MRE11: variants seen among roughly 807,000 people sequenced by gnomAD.
MRE11 encodes the protein double-strand break repair protein MRE11.
Under a neutral mutation model 91.7 loss-of-function variants are expected in MRE11, and 62 were observed. That is an observed-to-expected ratio of 0.68 (90% CI 0.55 to 0.84). MRE11 has a LOEUF of 0.84. MRE11 is among the 40% of genes least tolerant of loss of function. The probability of loss-of-function intolerance (pLI) is 0.00; values close to 1 mark genes in which losing one functional copy is unlikely to be tolerated. For missense variants in MRE11, 796 were observed against 852.9 expected, an observed-to-expected ratio of 0.93 and a Z score of 0.83; for synonymous variants, 273 against 271.4, an observed-to-expected ratio of 1.01 and a Z score of -0.06.
In MRE11 at chr11:94,493,815, A is replaced by C. The variant is rs1947361855; in HGVS notation, c.-130T>G. ...CCTCTGAGAACCCGCAGGGCCGTAAACCTGAATTCCGCGGGAGAGAACGGC... is the reference window on the plus strand; with the variant it reads ...CCTCTGAGAACCCGCAGGGCCGTAACCCTGAATTCCGCGGGAGAGAACGGC... On this transcript the variant is annotated 5_prime_UTR_variant, in exon 1 of 20. Coordinates refer to ENST00000323929, the MANE Select transcript of MRE11 (RefSeq NM_005591.4). The C allele has an allele frequency of 6.6e-6, 1 of 152,226 alleles. No homozygotes were observed. The highest frequency in any genetic ancestry group is 1.5e-5 in the Non-Finnish European group (1 of 68,070). The allele number at this position is 152,226 out of a possible 1,614,324, so 9.4% of individuals were successfully genotyped here.
In MRE11 at chr11:94,447,284, C is replaced by A. The variant is rs587781461; in HGVS notation, c.1718G>T (p.Gly573Val). The A allele has an allele frequency of 6.2e-7, 1 of 1,614,066 alleles. No individual in the cohort carries two copies. The highest frequency in any genetic ancestry group is 1.3e-5 in the African/African-American group (1 of 75,024). Residue 573 changes from glycine to valine, a missense_variant, in exon 15 of 20, where the codon GGA becomes GTA. Coordinates refer to ENST00000323929, the MANE Select transcript of MRE11 (RefSeq NM_005591.4). ...SAATNKGRGR[G>V]RGRRGGRGQN... Reference sequence around the variant, plus strand: ...CCCTCTTCCACCTCTTCGACCTCTTCCTCGGCCTCTTCCTTTGTTGGTTGC... The same window carrying A: ...CCCTCTTCCACCTCTTCGACCTCTTACTCGGCCTCTTCCTTTGTTGGTTGC...
At chr11:94,502,223 C>T in the MRE11 span, among the ~76,000 whole-genome samples, 1 of 152,202 alleles carries the variant, frequency 6.6e-6, no homozygotes, top group African/African-American at 2.4e-5. Flanking sequence ...GCCATGTGCG[C>T]ATGATGGAGG....
At chr11:94,502,831 GC>G in the MRE11 span, among the ~76,000 whole-genome samples, 1 of 152,006 alleles carries the variant, frequency 6.6e-6, no homozygotes, top group East Asian at 1.9e-4. Flanking sequence ...GCGCTACCAT[GC>G]CCAGCTAATT....
chr11:94,459,634 A>G (rs1226207331), intron 12 of MRE11, 53 bp from the exon 13 acceptor site: 46 of 1,567,198 alleles, frequency 2.9e-5, no homozygotes, highest in Non-Finnish European at 3.6e-5. Flanking sequence ...CTTACAAAAT[A>G]ATTATAGATG....
chr11:94,496,853 G>A (rs757224442), upstream of MRE11: 12 of 1,613,574 alleles, frequency 7.4e-6, no homozygotes, highest in Admixed American at 3.3e-5. Context: ...TGAAGATGAG[G>A]AGCAAGATGA....
intron 3 of MRE11, among the ~76,000 whole-genome samples, chr11:94,490,310 C>G (rs958849535): frequency 1.3e-5 from 2 of 152,180 alleles, no homozygotes; most frequent in Non-Finnish European, 2.9e-5. Context: ...GATGTACATT[C>G]TCTATGCTCC....
At chr11:94,444,144 G>C (rs1197732110) in intron 16 of MRE11, among the ~76,000 whole-genome samples, 1 of 151,868 alleles carries the variant, frequency 6.6e-6, no homozygotes, top group East Asian at 1.9e-4. Flanking sequence ...CCTGAGCTCA[G>C]GCAATCCGCC....
At chr11:94,484,986 T>C (rs1198962436) in intron 4 of MRE11, among the ~76,000 whole-genome samples, 1 of 152,134 alleles carries the variant, frequency 6.6e-6, no homozygotes, top group Non-Finnish European at 1.5e-5. Context: ...CCAAGGCAGG[T>C]GGATTACCTG....
At chr11:94,463,716 G>A (rs1306596565) in intron 11 of MRE11, among the ~76,000 whole-genome samples, 1 of 150,760 alleles carries the variant, frequency 6.6e-6, no homozygotes, top group African/African-American at 2.4e-5. Flanking sequence ...TCACTCATAG[G>A]TGGGAATTGA....
chr11:94,425,603 T>C (rs1341870281), intron 19 of MRE11, among the ~76,000 whole-genome samples: 1 of 152,126 alleles, frequency 6.6e-6, no homozygotes, highest in Non-Finnish European at 1.5e-5. Flanking sequence ...AAGAGACCCA[T>C]TTCACATGTA....
At chr11:94,466,772 G>A (rs1039628106) in intron 10 of MRE11, among the ~76,000 whole-genome samples, 1 of 152,040 alleles carries the variant, frequency 6.6e-6, no homozygotes, top group African/African-American at 2.4e-5. Flanking sequence ...TCTGATGCAG[G>A]GTCTGAGGCT....
chr11:94,460,278 T>C (rs1391050095), intron 12 of MRE11, among the ~76,000 whole-genome samples: 3 of 152,190 alleles, frequency 2.0e-5, no homozygotes, highest in African/African-American at 7.2e-5. Context: ...ATTTGTGTTG[T>C]TTTAAACCAC....
At chr11:94,501,426 C>T in the MRE11 span, among the ~76,000 whole-genome samples, 2 of 151,888 alleles carry the variant, frequency 1.3e-5, no homozygotes, top group South Asian at 2.1e-4. Flanking sequence ...AGTTGAAAAT[C>T]GTAAGAGCCA....
Position 94,445,838 on chromosome 11 carries a change from T to C in MRE11, c.1839A>G (p.Ser613=). The change falls in exon 16 of 20, where the codon TCA becomes TCG. Residue 613 remains serine, a synonymous_variant. Transcript: ENST00000323929. ...CTATAATAGACATATTTCTAGATGC[T>C]GACACAGCAGTCTTTGAGTTCCTGC... The part of the protein sequence containing the change: ...TRSRNSKTAV[S]ASRNMSIIDA... The C allele has an allele frequency of 6.2e-7, 1 of 1,613,636 alleles. No individual in the cohort carries two copies. Among genetic ancestry groups the C allele is most frequent in the Non-Finnish European group, 8.5e-7 (1 of 1,179,518 alleles).
chr11:94,491,021 C>G (rs1947271124), intron 2 of MRE11, 56 bp from the exon 3 acceptor site: 2 of 1,064,852 alleles, frequency 1.9e-6, no homozygotes, highest in Non-Finnish European at 2.8e-6. Context: ...AAAGGATATT[C>G]AAACAAATTG....
rs1235276616 is a variant in MRE11 at position 94,493,781 on chromosome 11, C to G, written c.-106+10G>C. On this transcript the variant is annotated intron_variant, in intron 1 of 19. Coordinates refer to ENST00000323929, the MANE Select transcript of MRE11 (RefSeq NM_005591.4). Reference sequence around the variant, plus strand: ...ATCCGTGAAAAGAAAACAACACGGTCTGAACTTGCCTCTGAGAACCCGCAG... The same window carrying G: ...ATCCGTGAAAAGAAAACAACACGGTGTGAACTTGCCTCTGAGAACCCGCAG... 4 of 152,276 alleles carry G rather than the reference C, an allele frequency of 2.6e-5. No individual in the cohort carries two copies. Among genetic ancestry groups the G allele is most frequent in the African/African-American group, 7.2e-5 (3 of 41,470 alleles). 9.4% of individuals were successfully genotyped at this position (152,276 alleles called of 1,614,324 possible).
chr11:94,472,624 C>T (rs1226459795), intron 7 of MRE11, among the ~76,000 whole-genome samples: 3 of 152,130 alleles, frequency 2.0e-5, no homozygotes, highest in Non-Finnish European at 2.9e-5. Context: ...TAAGTGCCAA[C>T]ATGGCACCAC....
chr11:94,491,912 T>C (rs1303379873), intron 2 of MRE11, among the ~76,000 whole-genome samples: 3 of 152,192 alleles, frequency 2.0e-5, no homozygotes, highest in Non-Finnish European at 4.4e-5. Context: ...TTTCAAATCA[T>C]AATACTACAT....
intron 16 of MRE11, among the ~76,000 whole-genome samples, chr11:94,437,502 G>A (rs1046930254): frequency 6.6e-6 from 1 of 152,080 alleles, no homozygotes; most frequent in African/African-American, 2.4e-5. Flanking sequence ...ATATTTCATA[G>A]AAAAACACCT....
Sources: allele counts gnomAD v4.1 joint callset (sites outside exome capture counted in the v4.1 genomes callset), GRCh38; gene constraint gnomAD v4.1.1; transcripts MANE v1.5; gene names NCBI Gene and HGNC (gene_info 2026-07-23, HGNC 2026-07-21).